Variants in NIBAN3 observed in about 807,000 individuals in gnomAD.
NIBAN3 encodes protein Niban 3.
NIBAN3 carries 66 observed loss-of-function variants against 76.4 expected under a neutral mutation model. The ratio of observed to expected loss-of-function variants is 0.86; its 90% confidence interval spans 0.71 to 1.06. The LOEUF (loss-of-function observed/expected upper bound fraction) is 1.06, where lower values mean the gene tolerates loss of function less well. Among genes scored for constraint, NIBAN3 ranks in the 50% least tolerant of loss-of-function variants. The probability of loss-of-function intolerance (pLI) is 0.00; values close to 1 mark genes in which losing one functional copy is unlikely to be tolerated. For synonymous variants in NIBAN3, 360 were observed against 355.2 expected, an observed-to-expected ratio of 1.01 and a Z score of -0.15; for missense variants, 808 against 810.7, an observed-to-expected ratio of 1.00 and a Z score of 0.04.
intron 4 of NIBAN3, among the ~76,000 whole-genome samples, chr19:17,536,108 C>T (rs80195126): frequency 8.3e-4 from 126 of 152,230 alleles, no homozygotes; most frequent in Non-Finnish European, 1.5e-3. Flanking sequence ...CAGTCATTAT[C>T]GTCTCTGGGG....
At chr19:17,554,641 G>A (rs1415552193), downstream of NIBAN3, among the ~76,000 whole-genome samples, 3 of 151,692 alleles carry the variant, frequency 2.0e-5, no homozygotes, top group Non-Finnish European at 2.9e-5. Context: ...TTAGCCGGGC[G>A]TGGTGGCGCG....
intron 13 of NIBAN3, among the ~76,000 whole-genome samples, chr19:17,547,233 A>G (rs913031038): frequency 1.3e-5 from 2 of 150,850 alleles, no homozygotes; most frequent in African/African-American, 4.9e-5. Context: ...ACATGCCTGT[A>G]GTCCCAGCTA....
At position 17,546,812 on chromosome 19, in the gene NIBAN3, G is replaced by A. The variant is rs750293828; in HGVS notation, c.1666+15G>A. On this transcript the variant is annotated intron_variant, in intron 13 of 14. Transcript: ENST00000599164. Reference sequence around the variant, plus strand: ...GATTGACCAAGGTGAGTCCCGCCCTGCCATGGCTCAGAGGAGCCTGGCGTC... The same window carrying A: ...GATTGACCAAGGTGAGTCCCGCCCTACCATGGCTCAGAGGAGCCTGGCGTC... 1 of 1,580,286 alleles carries A rather than the reference G, an allele frequency of 6.3e-7. No individual in the cohort carries two copies. Among genetic ancestry groups the A allele is most frequent in the Non-Finnish European group, 8.6e-7 (1 of 1,163,816 alleles).
intron 9 of NIBAN3, among the ~76,000 whole-genome samples, chr19:17,541,246 C>T (rs867872138): frequency 1.4e-5 from 2 of 146,216 alleles, no homozygotes; most frequent in Admixed American, 6.7e-5. Context: ...TACATACATA[C>T]ATACATACAT....
intron 4 of NIBAN3, 77 bp downstream of exon 4, chr19:17,533,778 C>T (rs973994274): frequency 7.2e-5 from 78 of 1,088,270 alleles, no homozygotes; most frequent in South Asian, 6.9e-4. Context: ...TCATTCTCTG[C>T]GGTGGGGGCG....
At chr19:17,544,128 C>G (rs543040758) in intron 12 of NIBAN3, 1 of 152,598 alleles carries the variant, frequency 6.6e-6, no homozygotes, top group Non-Finnish European at 1.5e-5. Context: ...AACTCCATCT[C>G]TATAAAAATA....
upstream of NIBAN3, among the ~76,000 whole-genome samples, chr19:17,525,331 C>CT (rs1212141750): frequency 7.0e-6 from 1 of 143,684 alleles, no homozygotes; most frequent in African/African-American, 2.7e-5. Flanking sequence ...CCCTCCGTCC[C>CT]TCCCTTCATT....
chr19:17,533,751 T>G lies in NIBAN3; in HGVS notation c.427+50T>G, dbSNP rs1025009992. ...ACAGGTTTCTCCACCCCAGCATCATTAACATGTGGGGCCAGATCATTCTCT... is the reference window on the plus strand; with the variant it reads ...ACAGGTTTCTCCACCCCAGCATCATGAACATGTGGGGCCAGATCATTCTCT... On this transcript the variant is annotated intron_variant, in intron 4 of 14. Coordinates refer to ENST00000599164, the MANE Select transcript of NIBAN3 (RefSeq NM_001321827.2). 9 of 1,341,848 alleles carry G rather than the reference T, an allele frequency of 6.7e-6. No homozygotes were observed. In the African/African-American group the frequency reaches 8.6e-5, roughly 13 times the overall value. The allele number at this position is 1,341,848 out of a possible 1,614,324, so 83.1% of individuals were successfully genotyped here. A position where few individuals can be genotyped will look rare whatever the true frequency, so the allele number is the denominator to read the frequency against.
intron 14 of NIBAN3, 153 bp downstream of exon 14, chr19:17,549,680 T>C (rs564200917): frequency 1.4e-6 from 1 of 711,264 alleles, no homozygotes; most frequent in African/African-American, 1.7e-5. Context: ...CTGGCCAAGC[T>C]CGTGAACAAG....
Position 17,553,390 on chromosome 19 carries a change from T to A in NIBAN3, c.*1492T>A, listed in dbSNP as rs2144803392. ...CGACTTCCTCTGCTTGCCAGCAAAG[T>A]CATCTGCTAACTGGATATTGGCAGC... On this transcript the variant is annotated 3_prime_UTR_variant, in exon 15 of 15. Coordinates refer to ENST00000599164, the MANE Select transcript of NIBAN3 (RefSeq NM_001321827.2). The A allele has an allele frequency of 2.5e-6, 4 of 1,614,202 alleles. No individual in the cohort carries two copies. In the East Asian group the frequency reaches 8.9e-5, roughly 36 times the overall value.
At chr19:17,525,450 C>T (rs944451236), upstream of NIBAN3, among the ~76,000 whole-genome samples, 4 of 152,168 alleles carry the variant, frequency 2.6e-5, no homozygotes, top group African/African-American at 7.2e-5. Flanking sequence ...GGGGTGGAGA[C>T]GCCCAACTAA....
downstream of NIBAN3, among the ~76,000 whole-genome samples, chr19:17,554,637 G>A (rs2076198180): frequency 6.6e-6 from 1 of 151,472 alleles, no homozygotes; most frequent in Admixed American, 6.6e-5. Flanking sequence ...AAAATTAGCC[G>A]GGCGTGGTGG....
Position 17,553,441 on chromosome 19 carries a change from C to A in NIBAN3, c.*1543C>A. ...TTCTCTGCTGTCTTGCAGCTGCTTC[C>A]GGAGTGGGTTCCACAGGGATTCCCG... On this transcript the variant is annotated 3_prime_UTR_variant, in exon 15 of 15. Coordinates refer to ENST00000599164, the MANE Select transcript of NIBAN3 (RefSeq NM_001321827.2). 4 of 1,614,162 alleles carry A rather than the reference C, an allele frequency of 2.5e-6. No individual in the cohort carries two copies. The highest frequency in any genetic ancestry group is 3.4e-6 in the Non-Finnish European group (4 of 1,180,036).
chr19:17,541,966 G>A (rs528916505), intron 9 of NIBAN3, among the ~76,000 whole-genome samples, 170 bp from the exon 10 acceptor site: 7 of 152,096 alleles, frequency 4.6e-5, no homozygotes, highest in Non-Finnish European at 1.0e-4. Context: ...CTACAGGTGT[G>A]AGCCACCATG....
chr19:17,533,805 G>A, intron 4 of NIBAN3, 104 bp downstream of exon 4: 1 of 804,830 alleles, frequency 1.2e-6, no homozygotes, highest in Admixed American at 2.3e-5. Flanking sequence ...GTACAGCAGG[G>A]CAGTAAGCAG....
At position 17,537,320 on chromosome 19, in the gene NIBAN3, G is replaced by T. The variant is rs1404846474; in HGVS notation, c.428-56G>T. ...AGGGACTGCTGTATGCATTTCAGGG[G>T]TATTTTCTCCTAGTGAATGAACGTC... On this transcript the variant is annotated intron_variant, in intron 4 of 14. Transcript: ENST00000599164. The T allele has an allele frequency of 1.9e-6, 3 of 1,555,316 alleles. No individual in the cohort carries two copies. The Admixed American group carries it at 5.2e-5, about 27-fold the overall frequency.
chr19:17,527,231 T>C, upstream of NIBAN3: 1 of 1,548,734 alleles, frequency 6.5e-7, no homozygotes, highest in Non-Finnish European at 8.7e-7. Context: ...GCGGGGCCTC[T>C]GAACCCACTG....
In NIBAN3 at chr19:17,539,443, T is replaced by G. The variant is rs1366781240; in HGVS notation, c.808T>G (p.Trp270Gly). 1 of 1,483,384 alleles carries G rather than the reference T, an allele frequency of 6.7e-7. No homozygotes were observed. The highest frequency in any genetic ancestry group is 2.5e-5 in the East Asian group (1 of 40,046). 91.9% of individuals were successfully genotyped at this position (1,483,384 alleles called of 1,614,324 possible). A position where few individuals can be genotyped will look rare whatever the true frequency, so the allele number is the denominator to read the frequency against. ...RGAGRARAWA[W>G]TELLDAVHAA... ...GGCAGGCCGCGCCCGCGCCTGGGCC[T>G]GGACCGAGGTATGCACGGCGTCCGG... is the stretch of plus-strand genomic sequence containing the variant. Residue 270 changes from tryptophan to glycine, a missense_variant, in exon 7 of 15, where the codon TGG (tryptophan) becomes GGG (glycine). Coordinates refer to ENST00000599164, the MANE Select transcript of NIBAN3 (RefSeq NM_001321827.2).
intron 9 of NIBAN3, among the ~76,000 whole-genome samples, chr19:17,541,583 G>A (rs972468724): frequency 3.9e-5 from 6 of 152,098 alleles, no homozygotes; most frequent in South Asian, 4.1e-4. Context: ...TGCCAGCATC[G>A]CTTGTTATAG....
Sources: gnomAD v4.1 joint callset for allele counts (sites outside exome capture counted in the v4.1 genomes callset) on GRCh38, gnomAD v4.1.1 for gene constraint, MANE v1.5 for transcripts, NCBI Gene and HGNC (gene_info 2026-07-23, HGNC 2026-07-21) for gene names.